Variants in GRM8 observed in about 807,000 individuals in gnomAD.
GRM8 encodes metabotropic glutamate receptor 8.
In GRM8, 47 loss-of-function variants were observed where a neutral mutation model predicts 87.2. The observed-to-expected ratio is 0.54, with a 90% CI of 0.43 to 0.69. The LOEUF (loss-of-function observed/expected upper bound fraction) is 0.69. Among genes scored for constraint, GRM8 ranks in the 30% least tolerant of loss-of-function variants. GRM8 has a pLI of 0.00. For synonymous variants in GRM8, 396 were observed against 404.5 expected (o/e 0.98, Z 0.25); for missense variants, 1,019 against 1,139.2 (o/e 0.89, Z 1.52).
intron 10 of GRM8, among the ~76,000 whole-genome samples, chr7:126,444,623 C>T (rs1444470403): frequency 1.3e-5 from 2 of 151,990 alleles, no homozygotes; most frequent in African/African-American, 4.8e-5. Flanking sequence ...TTAACTATCA[C>T]AGGATAGTTC....
At chr7:127,234,178 T>C (rs1797852912) in intron 2 of GRM8, among the ~76,000 whole-genome samples, 1 of 152,218 alleles carries the variant, frequency 6.6e-6, no homozygotes, top group African/African-American at 2.4e-5. Flanking sequence ...TGAAGACAAA[T>C]TGCTGGTAGC....
At chr7:126,705,497 A>G (rs940503146) in intron 7 of GRM8, among the ~76,000 whole-genome samples, 6 of 152,184 alleles carry the variant, frequency 3.9e-5, no homozygotes, top group African/African-American at 1.4e-4. Flanking sequence ...TTACAGAGAG[A>G]ATATACATAG....
intron 3 of GRM8, among the ~76,000 whole-genome samples, chr7:127,005,598 A>T (rs1360254613): frequency 6.6e-6 from 1 of 151,838 alleles, no homozygotes; most frequent in African/African-American, 2.4e-5. Flanking sequence ...TAAGTCTTTT[A>T]CAGTTATCTA....
At chr7:127,072,440 T>C (rs891288281) in intron 3 of GRM8, among the ~76,000 whole-genome samples, 9 of 152,214 alleles carry the variant, frequency 5.9e-5, no homozygotes, top group Non-Finnish European at 1.5e-5. Flanking sequence ...CCTTTAAGGT[T>C]CTCCAAGGTC....
Position 127,007,808 on chromosome 7 carries a change from A to G in GRM8, c.727+98688T>C, listed in dbSNP as rs571372486. Reference sequence around the variant, plus strand: ...CAGAATTATAGGACTCAGAAGTCAGAGATGCCCCAATCTAGAAGTCATTGT... The same window carrying G: ...CAGAATTATAGGACTCAGAAGTCAGGGATGCCCCAATCTAGAAGTCATTGT... On this transcript the variant is annotated intron_variant, in intron 3 of 10. Coordinates refer to ENST00000339582, the MANE Select transcript of GRM8 (RefSeq NM_000845.3). Among the ~76,000 whole-genome samples the G allele has an allele frequency of 1.2e-3, 179 of 152,210 alleles. 3 individuals are homozygous for G. In the South Asian group the frequency reaches 0.035, roughly 30 times the overall value.
chr7:126,901,113 A>G (rs921826576), intron 6 of GRM8, among the ~76,000 whole-genome samples: 6 of 152,080 alleles, frequency 3.9e-5, no homozygotes, highest in Non-Finnish European at 7.4e-5. Context: ...CTCTCGCGAT[A>G]TTCACTCTTG....
intron 7 of GRM8, among the ~76,000 whole-genome samples, chr7:126,615,578 G>A (rs528910354): frequency 6.6e-6 from 1 of 152,222 alleles, no homozygotes; most frequent in East Asian, 1.9e-4. Flanking sequence ...ACACAGACTG[G>A]CAAATTGGAT....
intron 7 of GRM8, among the ~76,000 whole-genome samples, chr7:126,757,130 G>C (rs1264046626): frequency 2.0e-5 from 3 of 152,124 alleles, no homozygotes; most frequent in Non-Finnish European, 4.4e-5. Flanking sequence ...AATAGAGACA[G>C]ATAATGGTAG....
intron 3 of GRM8, among the ~76,000 whole-genome samples, chr7:127,085,493 A>T (rs2132837352): frequency 1.3e-5 from 2 of 152,268 alleles, no homozygotes; most frequent in Middle Eastern, 6.8e-3. Context: ...CCTTTTAATG[A>T]TCGCCATTCT....
intron 3 of GRM8, among the ~76,000 whole-genome samples, chr7:127,026,914 C>A (rs1816840691): frequency 6.6e-6 from 1 of 152,128 alleles, no homozygotes; most frequent in African/African-American, 2.4e-5. Context: ...TTGCCCATGC[C>A]TATGTCCTGA....
At chr7:126,837,312 C>T (rs184967608) in intron 6 of GRM8, among the ~76,000 whole-genome samples, 4 of 152,180 alleles carry the variant, frequency 2.6e-5, no homozygotes, top group Admixed American at 2.6e-4. Flanking sequence ...TTTATGCTAC[C>T]ATGTTACATA....
At chr7:127,121,243 A>G (rs955680428) in intron 2 of GRM8, among the ~76,000 whole-genome samples, 1 of 152,170 alleles carries the variant, frequency 6.6e-6, no homozygotes, top group African/African-American at 2.4e-5. Flanking sequence ...GAATTAGCTC[A>G]TTTTCAGGAG....
At chr7:127,163,906 A>G (rs1233002358) in intron 2 of GRM8, among the ~76,000 whole-genome samples, 1 of 152,158 alleles carries the variant, frequency 6.6e-6, no homozygotes, top group African/African-American at 2.4e-5. Context: ...ACAGGAGCAG[A>G]GGAGGAATGA....
At chr7:126,984,873 T>A (rs1055447913) in intron 3 of GRM8, among the ~76,000 whole-genome samples, 1 of 152,204 alleles carries the variant, frequency 6.6e-6, no homozygotes, top group Non-Finnish European at 1.5e-5. Flanking sequence ...GTAAGAATTA[T>A]AACCTGTTTG....
intron 6 of GRM8, among the ~76,000 whole-genome samples, chr7:126,862,878 G>T (rs1798254085): frequency 6.6e-6 from 1 of 151,910 alleles, no homozygotes; most frequent in Admixed American, 6.6e-5. Flanking sequence ...CCATGGGCTT[G>T]TCTATTTTAA....
chr7:127,097,404 G>C (rs900595240), intron 3 of GRM8, among the ~76,000 whole-genome samples: 1 of 152,168 alleles, frequency 6.6e-6, no homozygotes, highest in Non-Finnish European at 1.5e-5. Flanking sequence ...GGAAAAGAGA[G>C]GGGAGGTGGT....
chr7:126,590,295 C>G (rs1332923492), intron 8 of GRM8, among the ~76,000 whole-genome samples: 1 of 151,426 alleles, frequency 6.6e-6, no homozygotes, highest in Non-Finnish European at 1.5e-5. Context: ...AGCTCAAAGA[C>G]AAGGTTTTTG....
At chr7:126,857,106 A>G (rs1226451819) in intron 6 of GRM8, among the ~76,000 whole-genome samples, 1 of 152,234 alleles carries the variant, frequency 6.6e-6, no homozygotes, top group Non-Finnish European at 1.5e-5. Context: ...AAAAATTGAC[A>G]TAATTACTCA....
At chr7:126,973,468 A>C (rs975069119) in intron 3 of GRM8, among the ~76,000 whole-genome samples, 1 of 152,224 alleles carries the variant, frequency 6.6e-6, no homozygotes, top group Non-Finnish European at 1.5e-5. Flanking sequence ...TGGGATAATT[A>C]AATAAGATTA....
Sources: allele counts gnomAD v4.1 joint callset (sites outside exome capture counted in the v4.1 genomes callset), GRCh38; gene constraint gnomAD v4.1.1; transcripts MANE v1.5; gene names NCBI Gene and HGNC (gene_info 2026-07-23, HGNC 2026-07-21).